Variants in PROX1 observed in about 807,000 individuals in gnomAD.
PROX1 encodes the protein prospero homeobox protein 1.
Under a neutral mutation model 58.8 loss-of-function variants are expected in PROX1, and 7 were observed. The observed-to-expected ratio is 0.12, with a 90% confidence interval of 0.07 to 0.22. The LOEUF (loss-of-function observed/expected upper bound fraction) is 0.22. PROX1 is among the 10% of genes least tolerant of loss of function. PROX1 has a pLI of 1.00. For synonymous variants in PROX1, 350 were observed against 358.3 expected (o/e 0.98, Z 0.26); for missense variants, 675 against 927.8 (o/e 0.73, Z 3.54).
chr1:214,011,797 T>G, intron 4 of PROX1, 82 bp downstream of exon 4: 1 of 1,243,278 alleles, frequency 8.0e-7, no homozygotes, highest in Non-Finnish European at 1.1e-6. Flanking sequence ...TACCCAAATC[T>G]GTTTTTGTGT....
upstream of PROX1, chr1:213,984,415 A>G (rs145484468): frequency 2.6e-5 from 4 of 152,250 alleles, no homozygotes; most frequent in African/African-American, 9.6e-5. Context: ...TTATATTTCA[A>G]CTTCTTTGGA....
At chr1:214,028,163 G>A (rs1187053765) in intron 4 of PROX1, among the ~76,000 whole-genome samples, 2 of 152,016 alleles carry the variant, frequency 1.3e-5, no homozygotes, top group Non-Finnish European at 2.9e-5. Context: ...ACCTTCCTCT[G>A]CCTCATTTGG....
intron 4 of PROX1, among the ~76,000 whole-genome samples, chr1:214,014,467 A>T (rs2102738007): frequency 6.6e-6 from 1 of 152,316 alleles, no homozygotes; most frequent in South Asian, 2.1e-4. Context: ...AGCTGGTCAA[A>T]CAATAAAATG....
intron 4 of PROX1, among the ~76,000 whole-genome samples, chr1:214,025,590 GT>G (rs1385333178): frequency 6.6e-6 from 1 of 151,452 alleles, no homozygotes; most frequent in South Asian, 2.1e-4. Context: ...CCGGCTGAAG[GT>G]TTTTTCTCTT....
At chr1:213,999,780 C>T (rs1663425621) in intron 2 of PROX1, among the ~76,000 whole-genome samples, 1 of 152,114 alleles carries the variant, frequency 6.6e-6, no homozygotes, top group Non-Finnish European at 1.5e-5. Flanking sequence ...CAAAGCTGCA[C>T]CAAGCACCAT....
chr1:214,011,141 T>C lies in PROX1; in HGVS notation c.1834-380T>C, dbSNP rs149346399. 5.9e-5 allele frequency among the ~76,000 whole-genome samples: 9 copies of C among 152,234 alleles called. No homozygotes were observed. The East Asian group carries it at 1.7e-3, about 29-fold the overall frequency. Reference sequence around the variant, plus strand: ...CATGTGGCACATCACCTCTGGTACATGGGAGTAACAACACTTCCAGGATTC... The same window carrying C: ...CATGTGGCACATCACCTCTGGTACACGGGAGTAACAACACTTCCAGGATTC... On this transcript the variant is annotated intron_variant, in intron 3 of 4. Transcript: ENST00000366958.
intron 4 of PROX1, among the ~76,000 whole-genome samples, chr1:214,020,764 C>CCAT (rs1442649088): frequency 6.6e-6 from 1 of 152,164 alleles, no homozygotes; most frequent in Non-Finnish European, 1.5e-5. Context: ...TTAAATGTCT[C>CCAT]CATCTTTGAG....
At chr1:214,029,849 T>A (rs527865054) in intron 4 of PROX1, 2 of 152,464 alleles carry the variant, frequency 1.3e-5, no homozygotes, top group South Asian at 2.1e-4. Flanking sequence ...ATTTTGTGAA[T>A]CGGAGTTGTA....
chr1:213,987,165 A>G (rs756659842), upstream of PROX1, among the ~76,000 whole-genome samples: 9 of 152,218 alleles, frequency 5.9e-5, no homozygotes, highest in Non-Finnish European at 1.3e-4. Context: ...GAGGTAACCA[A>G]GGGTAAATAT....
chr1:214,027,129 T>A (rs958361182), intron 4 of PROX1, among the ~76,000 whole-genome samples: 1 of 152,248 alleles, frequency 6.6e-6, no homozygotes, highest in Non-Finnish European at 1.5e-5. Context: ...TGCAACTCTT[T>A]CCGTCTGGCT....
chr1:214,011,032 A>G (rs1400685026), intron 3 of PROX1, among the ~76,000 whole-genome samples: 1 of 152,072 alleles, frequency 6.6e-6, no homozygotes, highest in Non-Finnish European at 1.5e-5. Context: ...TGGGAAGGCC[A>G]TTTGTCTGCA....
intron 2 of PROX1, among the ~76,000 whole-genome samples, chr1:214,003,816 GC>G (rs1373348420): frequency 6.6e-6 from 1 of 152,198 alleles, no homozygotes; most frequent in African/African-American, 2.4e-5. Flanking sequence ...ATTTGATTAT[GC>G]TTCTCTAGTA....
chr1:214,016,152 G>A (rs960790433), intron 4 of PROX1, among the ~76,000 whole-genome samples: 1 of 151,936 alleles, frequency 6.6e-6, no homozygotes, highest in Non-Finnish European at 1.5e-5. Flanking sequence ...CTTTGAATGT[G>A]TTTTCTTACT....
At position 213,997,853 on chromosome 1, in the gene PROX1, C is replaced by A; in HGVS notation, c.1318C>A (p.Pro440Thr). The A allele has an allele frequency of 1.2e-6, 2 of 1,613,634 alleles. No homozygotes were observed. The highest frequency in any genetic ancestry group is 1.7e-6 in the Non-Finnish European group (2 of 1,179,752). ...TTCCACTGACCAGACAGAAGCACTG[C>A]CCCTGGTTGTCCGCAAAAACTCCTC... ...ASSTDQTEALPLVVRKNSSDQ... is the reference protein window; with the variant it reads ...ASSTDQTEALTLVVRKNSSDQ... Residue 440 changes from proline to threonine, a missense_variant, in exon 2 of 5, where the codon CCC (proline) becomes ACC (threonine). By Grantham distance (38) the Pro-to-Thr change is conservative. Transcript: ENST00000366958. This position sits in a 1 kb window ranked among gnomAD's most constrained non-coding sequence, Gnocchi z 7.1.
chr1:214,013,789 C>A (rs1012103430), intron 4 of PROX1, among the ~76,000 whole-genome samples: 7 of 152,192 alleles, frequency 4.6e-5, no homozygotes, highest in Admixed American at 2.6e-4. Flanking sequence ...CCTTTATCTG[C>A]AGTGTCTATT....
chr1:214,023,717 A>T (rs1664361228), intron 4 of PROX1, among the ~76,000 whole-genome samples: 1 of 152,180 alleles, frequency 6.6e-6, no homozygotes, highest in African/African-American at 2.4e-5. Flanking sequence ...CATACAAGCC[A>T]TTTGGATATG....
In PROX1 at chr1:214,000,704, G is replaced by T. The variant is rs182513559; in HGVS notation, c.1725+2444G>T. ...TTATTTCTCAGGAAGAGTAAGATAG[G>T]CAAACAACCTTTTCTATAGTTCCCA... On this transcript the variant is annotated intron_variant, in intron 2 of 4. Transcript: ENST00000366958. 5.8e-4 allele frequency among the ~76,000 whole-genome samples: 89 copies of T among 152,242 alleles called. 1 individual carries two copies. Among genetic ancestry groups the T allele is most frequent in the Middle Eastern group, 3.4e-3 (1 of 294 alleles).
chr1:214,015,439 A>G (rs902234213), intron 4 of PROX1, among the ~76,000 whole-genome samples: 8 of 152,164 alleles, frequency 5.3e-5, no homozygotes, highest in Admixed American at 3.9e-4. Flanking sequence ...TTTTATGGGC[A>G]GAAAGAGCAA....
chr1:213,989,102 T>C (rs1662921535), intron 1 of PROX1, among the ~76,000 whole-genome samples: 1 of 152,100 alleles, frequency 6.6e-6, no homozygotes, highest in Non-Finnish European at 1.5e-5. Flanking sequence ...TACCTTTCAC[T>C]TCTCCTTTTT....
Sources: gnomAD v4.1 joint callset for allele counts (sites outside exome capture counted in the v4.1 genomes callset) on GRCh38, gnomAD v4.1.1 for gene constraint, Gnocchi (gnomAD v3.1) non-coding constraint, MANE v1.5 for transcripts, NCBI Gene and HGNC (gene_info 2026-07-23, HGNC 2026-07-21) for gene names.